NCKAP5: variants seen among roughly 807,000 people sequenced by gnomAD.
NCKAP5 encodes the protein nck-associated protein 5.
A neutral mutation model predicts 167.0 loss-of-function variants in NCKAP5; 92 were observed. The ratio of observed to expected loss-of-function variants is 0.55; its 90% CI spans 0.47 to 0.66. NCKAP5 has a LOEUF of 0.66. NCKAP5 is among the 30% of genes least tolerant of loss of function. NCKAP5 has a pLI of 0.00. For synonymous variants in NCKAP5, 891 were observed against 877.4 expected (o/e 1.02, Z -0.27); for missense variants, 2,378 against 2,315.0 (o/e 1.03, Z -0.56).
intron 15 of NCKAP5, among the ~76,000 whole-genome samples, chr2:132,774,965 C>T (rs1682422336): frequency 6.6e-6 from 1 of 152,152 alleles, no homozygotes; most frequent in South Asian, 2.1e-4. Context: ...TTGGTATTCT[C>T]AAATTTTCCA....
rs1214909713 is a variant in NCKAP5 at position 133,517,501 on chromosome 2, T to C, written c.26A>G (p.Lys9Arg). The C allele has an allele frequency of 1.3e-6, 2 of 1,540,294 alleles. No individual in the cohort carries two copies. The highest frequency in any genetic ancestry group is 2.0e-5 in the Admixed American group (1 of 48,812). ...AGACAGCCTTTTTCCAAAGTCCCTTTTCTCAAGCTGTCTCTTTCCCTCCAT... is the reference window on the plus strand; with the variant it reads ...AGACAGCCTTTTTCCAAAGTCCCTTCTCTCAAGCTGTCTCTTTCCCTCCAT... MEGKRQLE[K>R]RDFGKRLSLD... Residue 9 changes from lysine to arginine, a missense_variant, in exon 3 of 20, where the codon AAA becomes AGA. By Grantham distance (26) the Lys-to-Arg change is conservative. This residue lies in a region of NCKAP5 where 1,049 missense variants were observed against 1,023.4 expected (regional missense o/e 1.02). Coordinates refer to ENST00000409261, the MANE Select transcript of NCKAP5 (RefSeq NM_207363.3).
the NCKAP5 span, among the ~76,000 whole-genome samples, chr2:133,605,951 G>A: frequency 6.6e-6 from 1 of 152,186 alleles, no homozygotes; most frequent in African/African-American, 2.4e-5. Context: ...GAATGCCAAA[G>A]CATATACTCA....
chr2:133,311,071 C>A (rs79430132), intron 3 of NCKAP5, among the ~76,000 whole-genome samples: 150 of 152,322 alleles, frequency 9.8e-4, no homozygotes, highest in African/African-American at 3.4e-3. Flanking sequence ...CTGACACGAT[C>A]TACCTGGAGA....
intron 6 of NCKAP5, chr2:133,122,678 T>C (rs2082286443): frequency 6.6e-6 from 1 of 151,922 alleles, no homozygotes; most frequent in Non-Finnish European, 1.5e-5. Flanking sequence ...AATCTCAACT[T>C]CTCCAGAGTC....
chr2:133,019,146 A>G (rs2078441718), intron 6 of NCKAP5, among the ~76,000 whole-genome samples: 1 of 152,196 alleles, frequency 6.6e-6, no homozygotes, highest in African/African-American at 2.4e-5. Flanking sequence ...TAGCAACTGT[A>G]AACTAGGAAT....
At chr2:132,700,326 T>G (rs1687759846) in intron 19 of NCKAP5, among the ~76,000 whole-genome samples, 1 of 152,240 alleles carries the variant, frequency 6.6e-6, no homozygotes, top group Admixed American at 6.5e-5. Context: ...CTCTTTAGTT[T>G]AATTAGATCC....
intron 5 of NCKAP5, among the ~76,000 whole-genome samples, chr2:133,137,647 A>G (rs750415073): frequency 6.6e-6 from 1 of 152,130 alleles, no homozygotes; most frequent in African/African-American, 2.4e-5. Flanking sequence ...ATTTTCTTAG[A>G]CAAAGATTAT....
chr2:133,341,949 T>G (rs1470643267), intron 3 of NCKAP5, among the ~76,000 whole-genome samples: 1 of 152,170 alleles, frequency 6.6e-6, no homozygotes, highest in Non-Finnish European at 1.5e-5. Flanking sequence ...AAACATTCTT[T>G]TTTTTTTGAG....
At chr2:132,987,560 T>C (rs1286220725) in intron 7 of NCKAP5, among the ~76,000 whole-genome samples, 1 of 152,170 alleles carries the variant, frequency 6.6e-6, no homozygotes, top group African/African-American at 2.4e-5. Flanking sequence ...GGAAACATAC[T>C]ACATTGCTCT....
At chr2:133,272,245 G>T (rs2089547330) in intron 4 of NCKAP5, among the ~76,000 whole-genome samples, 1 of 151,280 alleles carries the variant, frequency 6.6e-6, no homozygotes, top group Admixed American at 6.6e-5. Context: ...AAAAAAAATA[G>T]AATAAAAGAA....
intron 3 of NCKAP5, among the ~76,000 whole-genome samples, chr2:133,371,109 G>C (rs1198954954): frequency 5.3e-5 from 8 of 152,156 alleles, no homozygotes; most frequent in Non-Finnish European, 7.4e-5. Context: ...AAACATCTAT[G>C]TGTGGCTCAA....
chr2:132,989,827 A>G (rs2077399071), intron 7 of NCKAP5, among the ~76,000 whole-genome samples: 1 of 152,192 alleles, frequency 6.6e-6, no homozygotes, highest in Non-Finnish European at 1.5e-5. Context: ...TTCATCCTCA[A>G]AAGATACCCA....
rs58758295 is a variant in NCKAP5 at position 133,290,728 on chromosome 2, C to CTTT, written c.143+12306_143+12308dup. ...ACATATGAGGCCACAAGAATTTCTC[C>CTTT]TTTTTTTTTTTTTTTTTTTTTGTTG... On this transcript the variant is annotated intron_variant, in intron 4 of 19. Coordinates refer to ENST00000409261, the MANE Select transcript of NCKAP5 (RefSeq NM_207363.3). 1.9e-3 allele frequency among the ~76,000 whole-genome samples: 173 copies of CTTT among 89,250 alleles called. 1 individual carries two copies. Among genetic ancestry groups the CTTT allele is most frequent in the Middle Eastern group, 7.4e-3 (1 of 136 alleles). 58.6% of individuals were successfully genotyped at this position (89,250 alleles called of 152,430 possible). A position where few individuals can be genotyped will look rare whatever the true frequency, so the allele number is the denominator to read the frequency against.
chr2:132,675,692 G>T (rs529459143), intron 19 of NCKAP5, among the ~76,000 whole-genome samples: 405 of 152,296 alleles, frequency 2.7e-3, no homozygotes, highest in Non-Finnish European at 5.0e-3. Flanking sequence ...TGAAATGGTG[G>T]AATTTGGGAA....
chr2:133,622,600 AG>A, the NCKAP5 span, among the ~76,000 whole-genome samples: 1 of 152,184 alleles, frequency 6.6e-6, no homozygotes, highest in Non-Finnish European at 1.5e-5. Flanking sequence ...TACTTAACCA[AG>A]GATGTGAAAG....
chr2:132,708,580 GC>G (rs1688570478), intron 19 of NCKAP5, among the ~76,000 whole-genome samples: 1 of 152,136 alleles, frequency 6.6e-6, no homozygotes, highest in Non-Finnish European at 1.5e-5. Flanking sequence ...CTGACTCCAG[GC>G]CCTGGCTCCT....
chr2:133,093,934 G>C (rs1302178761), intron 6 of NCKAP5, among the ~76,000 whole-genome samples: 1 of 152,194 alleles, frequency 6.6e-6, no homozygotes. Context: ...GCCTGGAGCA[G>C]TCCTGGAAGG....
At chr2:133,153,853 T>TTTTTG (rs2083470753) in intron 5 of NCKAP5, among the ~76,000 whole-genome samples, 1 of 147,708 alleles carries the variant, frequency 6.8e-6, no homozygotes, top group Non-Finnish European at 1.5e-5. Context: ...TTTTTTTTTT[T>TTTTTG]GAGATGGAGT....
chr2:132,860,477 C>A lies in NCKAP5; in HGVS notation c.807+15G>T. The A allele has an allele frequency of 6.4e-7, 1 of 1,556,770 alleles. No individual in the cohort carries two copies. The highest frequency in any genetic ancestry group is 8.7e-7 in the Non-Finnish European group (1 of 1,149,238). ...CATTTCAGTAGCAAAGATTGTTTTC[C>A]AGATAAACACATACCTGGAGGAGCA... On this transcript the variant is annotated intron_variant, in intron 11 of 19. Transcript: ENST00000409261.
Sources: allele counts gnomAD v4.1 joint callset (sites outside exome capture counted in the v4.1 genomes callset), GRCh38; gene constraint gnomAD v4.1.1; regional missense constraint gnomAD v4.1.1; transcripts MANE v1.5; gene names NCBI Gene and HGNC (gene_info 2026-07-23, HGNC 2026-07-21).